The following MND1 variants were observed in gnomAD, a reference collection of about 807,000 sequenced individuals.
MND1 encodes the protein meiotic nuclear divisions 1, also known as meiotic nuclear division protein 1 homolog.
A neutral mutation model predicts 35.1 loss-of-function variants in MND1; 28 were observed. That is an observed-to-expected ratio of 0.80 (90% CI 0.59 to 1.09). The LOEUF (loss-of-function observed/expected upper bound fraction) is 1.09. MND1 is among the 50% of genes least tolerant of loss of function. The pLI, the probability that MND1 is intolerant of heterozygous loss-of-function variation, is 0.00. For synonymous variants in MND1, 69 were observed against 70.5 expected (o/e 0.98, Z 0.11); for missense variants, 213 against 239.6 (o/e 0.89, Z 0.73).
intron 2 of MND1, among the ~76,000 whole-genome samples, chr4:153,353,013 C>T (rs1049411293): frequency 6.6e-6 from 1 of 152,044 alleles, no homozygotes; most frequent in Non-Finnish European, 1.5e-5. Flanking sequence ...TGGAGCTCTT[C>T]CTTGGTGCCT....
At position 153,348,548 on chromosome 4, in the gene MND1, C is replaced by T. The variant is rs994084985; in HGVS notation, c.4-1516C>T. Among the ~76,000 whole-genome samples the T allele has an allele frequency of 3.3e-5, 5 of 152,048 alleles. 1 individual carries two copies. Among genetic ancestry groups the T allele is most frequent in the South Asian group, 2.1e-4 (1 of 4,824 alleles). On this transcript the variant is annotated intron_variant, in intron 1 of 7. Coordinates refer to ENST00000240488, the MANE Select transcript of MND1 (RefSeq NM_032117.4). ...AGAAAAACAGTGTTTGAAAGTGGAC[C>T]GAGGAAGAAGAGAAAAATATAAACT... is the stretch of plus-strand genomic sequence containing the variant.
intron 6 of MND1, among the ~76,000 whole-genome samples, chr4:153,406,740 G>A (rs531680364): frequency 7.9e-5 from 12 of 152,244 alleles, no homozygotes; most frequent in African/African-American, 2.9e-4. Context: ...AAAATCATTA[G>A]CAAATGCAAA....
chr4:153,401,988 C>A (rs1729357310), intron 6 of MND1, among the ~76,000 whole-genome samples: 1 of 152,126 alleles, frequency 6.6e-6, no homozygotes, highest in South Asian at 2.1e-4. Context: ...AATGCTGTTT[C>A]TATTAAAAAT....
At chr4:153,377,115 A>G (rs1422392428) in intron 4 of MND1, among the ~76,000 whole-genome samples, 2 of 152,034 alleles carry the variant, frequency 1.3e-5, no homozygotes, top group Admixed American at 1.3e-4. Flanking sequence ...TCTTCATCCA[A>G]GTTCTGGTTT....
At chr4:153,406,895 C>T (rs1370022385) in intron 6 of MND1, among the ~76,000 whole-genome samples, 1 of 152,212 alleles carries the variant, frequency 6.6e-6, no homozygotes, top group Non-Finnish European at 1.5e-5. Flanking sequence ...ACCTCACAAT[C>T]ATGGTGGAAG....
intron 1 of MND1, among the ~76,000 whole-genome samples, chr4:153,346,464 G>A (rs1773079807): frequency 6.6e-6 from 1 of 152,040 alleles, no homozygotes; most frequent in African/African-American, 2.4e-5. Flanking sequence ...ATACTATCAG[G>A]TTTTTCCTAG....
intron 4 of MND1, among the ~76,000 whole-genome samples, chr4:153,386,123 T>A (rs1728851060): frequency 6.6e-6 from 1 of 152,160 alleles, no homozygotes; most frequent in Non-Finnish European, 1.5e-5. Flanking sequence ...TACCTTTCAT[T>A]CAGTTGTACT....
chr4:153,392,047 A>C (rs996313499), intron 4 of MND1, among the ~76,000 whole-genome samples: 2 of 152,120 alleles, frequency 1.3e-5, no homozygotes, highest in Non-Finnish European at 2.9e-5. Context: ...TACTCTTTAC[A>C]TATAACTAGA....
intron 7 of MND1, 46 bp from the exon 8 acceptor site, chr4:153,414,705 T>C: frequency 1.2e-6 from 1 of 834,430 alleles, no homozygotes; most frequent in Non-Finnish European, 1.9e-6. Context: ...TTGAAATGTT[T>C]TATGATTGTG....
intron 4 of MND1, among the ~76,000 whole-genome samples, chr4:153,389,840 A>T (rs1369683213): frequency 6.6e-6 from 1 of 152,160 alleles, no homozygotes; most frequent in Non-Finnish European, 1.5e-5. Flanking sequence ...TGTGTGTTTT[A>T]GTTGGGTTTG....
At chr4:153,345,473 G>A in intron 1 of MND1, 1 of 985,442 alleles carries the variant, frequency 1.0e-6, no homozygotes, top group Non-Finnish European at 1.2e-6. Context: ...CACTGAATTA[G>A]GCTTCCTCGT....
At chr4:153,383,887 G>A (rs1728776585) in intron 4 of MND1, among the ~76,000 whole-genome samples, 1 of 152,164 alleles carries the variant, frequency 6.6e-6, no homozygotes, top group Non-Finnish European at 1.5e-5. Flanking sequence ...AGAAAGAATG[G>A]ATATTGGTAG....
At chr4:153,378,991 T>C (rs1450055804) in intron 4 of MND1, among the ~76,000 whole-genome samples, 1 of 152,158 alleles carries the variant, frequency 6.6e-6, no homozygotes, top group African/African-American at 2.4e-5. Flanking sequence ...TGAGAACTTT[T>C]GAAACCACAA....
At chr4:153,365,113 A>C (rs1773595432) in intron 4 of MND1, among the ~76,000 whole-genome samples, 1 of 152,134 alleles carries the variant, frequency 6.6e-6, no homozygotes, top group African/African-American at 2.4e-5. Context: ...AAAAAAAAAA[A>C]AAAACTATCC....
At chr4:153,353,355 C>G (rs1037022336) in intron 2 of MND1, among the ~76,000 whole-genome samples, 1 of 141,504 alleles carries the variant, frequency 7.1e-6, no homozygotes, top group Non-Finnish European at 1.5e-5. Context: ...TACCCATATG[C>G]CTACCACCTA....
At chr4:153,411,114 A>G (rs1729670971) in intron 7 of MND1, among the ~76,000 whole-genome samples, 2 of 152,242 alleles carry the variant, frequency 1.3e-5, no homozygotes, top group African/African-American at 2.4e-5. Context: ...CCACATCTAA[A>G]TGTTTTATGA....
rs1729787358 is a variant in MND1 at position 153,414,764 on chromosome 4, A to G, written c.525A>G (p.Ala175=). 6.7e-7 allele frequency: 1 copy of G among 1,483,652 alleles called. No individual in the cohort carries two copies. Among genetic ancestry groups the G allele is most frequent in the Admixed American group, 2.0e-5 (1 of 49,462 alleles). The allele number at this position is 1,483,652 out of a possible 1,614,324, so 91.9% of individuals were successfully genotyped here. A position where few individuals can be genotyped will look rare whatever the true frequency, so the allele number is the denominator to read the frequency against. ...AANRWTDNIF[A]IKSWAKRKFG... is the part of the protein sequence containing the mutation. The stretch of plus-strand genomic sequence containing the variant: ...TTTTCTTTATAGATAACATATTCGC[A>G]ATAAAATCTTGGGCCAAAAGAAAAT... Residue 175 remains alanine (A), a synonymous_variant, in exon 8 of 8, where the codon GCA becomes GCG. Transcript: ENST00000240488.
intron 4 of MND1, among the ~76,000 whole-genome samples, chr4:153,383,341 C>T (rs1728760419): frequency 6.6e-6 from 1 of 152,136 alleles, no homozygotes. Context: ...TGGGTAGCAG[C>T]CAGAAAAATA....
rs1325015026 is a variant in MND1, at chr4:153,350,094, AAG to A, written c.38_39del (p.Arg13AsnfsTer9). 1 of 1,607,348 alleles carries A rather than the reference AAG, an allele frequency of 6.2e-7. No individual in the cohort carries two copies. The highest frequency in any genetic ancestry group is 1.3e-5 in the African/African-American group (1 of 74,560). On this transcript the variant is annotated frameshift_variant, in exon 2 of 8. Transcript: ENST00000240488. LOFTEE classifies it high-confidence loss of function. The part of the protein sequence containing the change: ...SKKKGLSAEE[K>X]RTRMMEIFSE... ...GAAAAAAGGACTGAGTGCAGAAGAA[AAG>A]AGAACTCGCATGATGGAAATATTTT...
Sources: allele counts gnomAD v4.1 joint callset (sites outside exome capture counted in the v4.1 genomes callset), GRCh38; gene constraint gnomAD v4.1.1; transcripts MANE v1.5; gene names NCBI Gene and HGNC (gene_info 2026-07-23, HGNC 2026-07-21).